The following MAGI1 variants were observed in gnomAD, a reference collection of about 807,000 sequenced individuals.
The protein encoded by MAGI1 is membrane-associated guanylate kinase, WW and PDZ domain-containing protein 1.
Under a neutral mutation model 139.9 loss-of-function variants are expected in MAGI1, and 58 were observed. The ratio of observed to expected loss-of-function variants is 0.41; its 90% CI spans 0.34 to 0.52. The LOEUF (loss-of-function observed/expected upper bound fraction) is 0.52. Among genes scored for constraint, MAGI1 ranks in the 20% least tolerant of loss-of-function variants. The pLI is 0.12. For synonymous variants in MAGI1, 812 were observed against 737.9 expected (o/e 1.10, Z -1.63); for missense variants, 1,874 against 1,901.6 (o/e 0.99, Z 0.27).
At chr3:65,446,403 G>A (rs1948674011) in intron 7 of MAGI1, among the ~76,000 whole-genome samples, 3 of 152,190 alleles carry the variant, frequency 2.0e-5, no homozygotes, top group African/African-American at 7.2e-5. Flanking sequence ...TGAACCCAGA[G>A]AAAGCCAAGA....
chr3:65,844,007 G>A, intron 1 of MAGI1: 1 of 326,334 alleles, frequency 3.1e-6, no homozygotes, highest in Non-Finnish European at 5.9e-6. Flanking sequence ...TCGAGGGTAT[G>A]CAGATATGAA....
chr3:65,947,943 T>A (rs2063617911), intron 1 of MAGI1, among the ~76,000 whole-genome samples: 1 of 135,152 alleles, frequency 7.4e-6, no homozygotes, highest in Non-Finnish European at 1.7e-5. Context: ...TTTCTCTTTT[T>A]TTTTTTTTTT....
chr3:65,765,772 G>A (rs2107907451), intron 1 of MAGI1, among the ~76,000 whole-genome samples: 1 of 152,280 alleles, frequency 6.6e-6, no homozygotes, highest in East Asian at 1.9e-4. Flanking sequence ...CATTATATGA[G>A]TCAATGGACA....
At chr3:65,708,014 C>T (rs1039454640) in intron 1 of MAGI1, among the ~76,000 whole-genome samples, 2 of 152,178 alleles carry the variant, frequency 1.3e-5, no homozygotes, top group Non-Finnish European at 2.9e-5. Flanking sequence ...TTAAAAGCAT[C>T]TCACCATCAA....
At chr3:65,797,638 C>G (rs2040234006) in intron 1 of MAGI1, among the ~76,000 whole-genome samples, 1 of 151,974 alleles carries the variant, frequency 6.6e-6, no homozygotes, top group Non-Finnish European at 1.5e-5. Flanking sequence ...ATCACCTGAG[C>G]CTTGGAGTTC....
intron 1 of MAGI1, among the ~76,000 whole-genome samples, chr3:65,849,509 ATC>A (rs200469126): frequency 6.8e-6 from 1 of 147,874 alleles, no homozygotes; most frequent in Non-Finnish European, 1.5e-5. Flanking sequence ...ATATATATAT[ATC>A]ATCAAATATA....
chr3:65,514,516 C>G (rs1223597284), intron 2 of MAGI1, among the ~76,000 whole-genome samples: 13 of 150,568 alleles, frequency 8.6e-5, no homozygotes, highest in Non-Finnish European at 1.5e-4. Flanking sequence ...ACAGACACTT[C>G]TCAAAAGAAG....
chr3:65,738,893 T>A (rs1467376725), intron 1 of MAGI1, among the ~76,000 whole-genome samples: 4 of 152,206 alleles, frequency 2.6e-5, no homozygotes, highest in Non-Finnish European at 5.9e-5. Context: ...CAGAGTAGAT[T>A]TAGCACCCTC....
intron 2 of MAGI1, among the ~76,000 whole-genome samples, chr3:65,536,174 G>A (rs2078951425): frequency 6.6e-6 from 1 of 152,152 alleles, no homozygotes; most frequent in African/African-American, 2.4e-5. Context: ...CATATATACT[G>A]ATGTTTCCCT....
intron 1 of MAGI1, among the ~76,000 whole-genome samples, chr3:65,767,767 C>T (rs747365757): frequency 5.9e-5 from 9 of 152,068 alleles, no homozygotes; most frequent in Non-Finnish European, 1.3e-4. Flanking sequence ...GGAGAAATGA[C>T]AAAAAAGATG....
At chr3:65,825,056 T>C (rs890913483) in intron 1 of MAGI1, among the ~76,000 whole-genome samples, 1 of 152,198 alleles carries the variant, frequency 6.6e-6, no homozygotes, top group South Asian at 2.1e-4. Flanking sequence ...TAACTTATCT[T>C]CAAAAGCGCA....
At chr3:65,931,039 C>CT (rs71105954) in intron 1 of MAGI1, among the ~76,000 whole-genome samples, 13,469 of 147,490 alleles carry the variant, frequency 0.091, 734 homozygotes, top group Admixed American at 0.13. Context: ...TTGCTTGCTT[C>CT]TTTTTTTTTT....
At chr3:65,693,018 A>G (rs1158387305) in intron 1 of MAGI1, among the ~76,000 whole-genome samples, 2 of 152,048 alleles carry the variant, frequency 1.3e-5, no homozygotes, top group East Asian at 3.9e-4. Flanking sequence ...TGCAGCCTTG[A>G]CTTCCTGGGC....
At chr3:65,403,684 G>C (rs182337770) in intron 12 of MAGI1, among the ~76,000 whole-genome samples, 24 of 152,126 alleles carry the variant, frequency 1.6e-4, no homozygotes, top group African/African-American at 5.8e-4. Context: ...TCCCCCATTA[G>C]GTAAGTAGAG....
chr3:65,524,067 A>C (rs2078278752), intron 2 of MAGI1, among the ~76,000 whole-genome samples: 1 of 152,166 alleles, frequency 6.6e-6, no homozygotes, highest in South Asian at 2.1e-4. Context: ...GAAGAAAAGG[A>C]AGGAAAAATG....
At chr3:65,813,512 A>G (rs1416841347) in intron 1 of MAGI1, among the ~76,000 whole-genome samples, 1 of 152,204 alleles carries the variant, frequency 6.6e-6, no homozygotes, top group African/African-American at 2.4e-5. Context: ...AACTACTCAG[A>G]AAAAATATAT....
intron 1 of MAGI1, among the ~76,000 whole-genome samples, chr3:65,756,952 T>C (rs1171774137): frequency 1.3e-5 from 2 of 152,206 alleles, no homozygotes; most frequent in Non-Finnish European, 1.5e-5. Context: ...TTGAAAGTAT[T>C]TTAGTTAAAG....
intron 1 of MAGI1, among the ~76,000 whole-genome samples, chr3:65,934,792 G>A (rs2062971284): frequency 6.6e-6 from 1 of 150,946 alleles, no homozygotes; most frequent in African/African-American, 2.4e-5. Flanking sequence ...TTAAGGGGAG[G>A]TTGTGGTGGG....
chr3:65,858,495 A>G (rs915244998), intron 1 of MAGI1, among the ~76,000 whole-genome samples: 14 of 152,234 alleles, frequency 9.2e-5, no homozygotes, highest in African/African-American at 3.4e-4. Flanking sequence ...TTGGTAAAAG[A>G]TAAGAACCAA....
Sources: gnomAD v4.1 joint callset for allele counts (sites outside exome capture counted in the v4.1 genomes callset) on GRCh38, gnomAD v4.1.1 for gene constraint, MANE v1.5 for transcripts, NCBI Gene and HGNC (gene_info 2026-07-23, HGNC 2026-07-21) for gene names.